TRAPPC12: variants seen among roughly 807,000 people sequenced by gnomAD.
TRAPPC12 encodes the protein TPR repeat protein 15.
Under a neutral mutation model 69.2 loss-of-function variants are expected in TRAPPC12, and 61 were observed. That is an observed-to-expected ratio of 0.88 (90% CI 0.72 to 1.09). The LOEUF is 1.09. Ranked by LOEUF, TRAPPC12 falls within the 50% of genes least tolerant of loss-of-function variation. The pLI is 0.00. For synonymous variants in TRAPPC12, 469 were observed against 438.9 expected, an observed-to-expected ratio of 1.07 and a Z score of -0.86; for missense variants, 1,101 against 1,016.4, an observed-to-expected ratio of 1.08 and a Z score of -1.13.
In TRAPPC12 at chr2:3,465,471, C is replaced by T. The variant is rs771746498; in HGVS notation, c.1678-126C>T. On this transcript the variant is annotated intron_variant, in intron 8 of 11. Transcript: ENST00000324266. ...ACCGCGTGCTGGTTTCCAGCTTCCC[C>T]GCCAGCTCCTGCGTCAGCGTGTCCT... The T allele has an allele frequency of 4.1e-4, 275 of 672,744 alleles. 2 individuals carry two copies. Among genetic ancestry groups the T allele is most frequent in the Non-Finnish European group, 5.8e-4 (226 of 389,686 alleles). 41.7% of individuals were successfully genotyped at this position (672,744 alleles called of 1,614,324 possible).
intron 3 of TRAPPC12, among the ~76,000 whole-genome samples, chr2:3,412,471 G>A (rs543406396): frequency 4.7e-4 from 71 of 152,322 alleles, no homozygotes; most frequent in Admixed American, 1.3e-3. Flanking sequence ...TGAGGCGGGC[G>A]AATTGCTTGA....
chr2:3,389,485 C>T (rs1572082902), intron 2 of TRAPPC12, among the ~76,000 whole-genome samples: 1 of 152,230 alleles, frequency 6.6e-6, no homozygotes, highest in African/African-American at 2.4e-5. Context: ...TGCGTCCAGG[C>T]GAGGGGAACA....
intron 8 of TRAPPC12, among the ~76,000 whole-genome samples, chr2:3,462,650 A>G (rs549194744): frequency 9.2e-4 from 140 of 152,396 alleles, no homozygotes; most frequent in African/African-American, 3.2e-3. Context: ...GATATGCTAT[A>G]ATGCACAGTG....
In TRAPPC12 at chr2:3,388,465, C is replaced by T. The variant is rs1190352042; in HGVS notation, c.842C>T (p.Ala281Val). The T allele has an allele frequency of 7.4e-6, 12 of 1,611,910 alleles. No homozygotes were observed. Among genetic ancestry groups the T allele is most frequent in the Admixed American group, 1.7e-5 (1 of 59,938 alleles). Residue 281 changes from alanine to valine, a missense_variant, in exon 2 of 12, where the codon GCG (alanine) becomes GTG (valine). Physicochemically the swap from Ala to Val is moderately conservative, Grantham distance 64. Coordinates refer to ENST00000324266, the MANE Select transcript of TRAPPC12 (RefSeq NM_016030.6). ...AAPPASPEPF[A>V]HIQAVFAGSD... ...CCCCCGGCGTCGCCAGAGCCTTTCG[C>T]GCACATCCAGGCAGTGTTTGCAGGG...
rs777434395 is a variant in TRAPPC12 at position 3,388,462 on chromosome 2, T to C, written c.839T>C (p.Phe280Ser). 2 of 1,611,954 alleles carry C rather than the reference T, an allele frequency of 1.2e-6. No homozygotes were observed. The highest frequency in any genetic ancestry group is 1.1e-5 in the South Asian group (1 of 90,884). ...AAAPPASPEPFAHIQAVFAGS... is the reference protein window; with the variant it reads ...AAAPPASPEPSAHIQAVFAGS... Reference sequence around the variant, plus strand: ...GCGCCCCCGGCGTCGCCAGAGCCTTTCGCGCACATCCAGGCAGTGTTTGCA... The same window carrying C: ...GCGCCCCCGGCGTCGCCAGAGCCTTCCGCGCACATCCAGGCAGTGTTTGCA... Residue 280 changes from phenylalanine (F) to serine (S), a missense_variant, in exon 2 of 12, where the codon TTC (phenylalanine) becomes TCC (serine). Coordinates refer to ENST00000324266, the MANE Select transcript of TRAPPC12 (RefSeq NM_016030.6).
chr2:3,442,730 G>C (rs1007980814), intron 5 of TRAPPC12, among the ~76,000 whole-genome samples: 7 of 152,194 alleles, frequency 4.6e-5, no homozygotes, highest in African/African-American at 1.7e-4. Context: ...GCTCATTTCA[G>C]TGTGGTCACG....
Position 3,479,233 on chromosome 2 carries a change from T to G in TRAPPC12, c.1980T>G (p.Ala660=). 1 of 1,613,722 alleles carries G rather than the reference T, an allele frequency of 6.2e-7. No homozygotes were observed. The highest frequency in any genetic ancestry group is 1.1e-5 in the South Asian group (1 of 91,066). The change falls in exon 12 of 12, where the codon GCT becomes GCG. Residue 660 remains alanine, a synonymous_variant. Transcript: ENST00000324266. ...DPRNAVANNN[A]AVCLLYLGKL... ...CTCCTCCCTAGGCCAACAACAACGC[T>G]GCCGTGTGTCTGCTCTACCTGGGCA...
chr2:3,404,024 G>T (rs182009010), intron 3 of TRAPPC12, among the ~76,000 whole-genome samples: 43 of 152,230 alleles, frequency 2.8e-4, no homozygotes, highest in African/African-American at 1.0e-3. Flanking sequence ...ATTATGTGTG[G>T]TCTTGTGACT....
chr2:3,476,624 A>G (rs1285980247), intron 9 of TRAPPC12, among the ~76,000 whole-genome samples: 1 of 152,242 alleles, frequency 6.6e-6, no homozygotes, highest in Non-Finnish European at 1.5e-5. Context: ...GAAGACATGC[A>G]GAAACATGAC....
In TRAPPC12 at chr2:3,400,790, C is replaced by T. The variant is rs116102205; in HGVS notation, c.1048-987C>T. Among the ~76,000 whole-genome samples the T allele has an allele frequency of 3.9e-3, 595 of 152,270 alleles. 3 individuals are homozygous for T. Among genetic ancestry groups the T allele is most frequent in the African/African-American group, 0.012 (514 of 41,560 alleles). ...CAGACTTGGTAACTTCAGGCCCTTCCCTGGGGCCCCTGAACTGTGCCGACT... is the reference window on the plus strand; with the variant it reads ...CAGACTTGGTAACTTCAGGCCCTTCTCTGGGGCCCCTGAACTGTGCCGACT... On this transcript the variant is annotated intron_variant, in intron 2 of 11. Coordinates refer to ENST00000324266, the MANE Select transcript of TRAPPC12 (RefSeq NM_016030.6).
At chr2:3,443,326 A>T (rs989653812) in intron 5 of TRAPPC12, among the ~76,000 whole-genome samples, 1 of 152,250 alleles carries the variant, frequency 6.6e-6, no homozygotes. Context: ...TCCCGGGAGC[A>T]CTTCCGGAAC....
At chr2:3,409,714 C>T (rs1484217229) in intron 3 of TRAPPC12, among the ~76,000 whole-genome samples, 1 of 132,084 alleles carries the variant, frequency 7.6e-6, no homozygotes, top group Non-Finnish European at 1.5e-5. Context: ...CGCACCACTG[C>T]ACTCCAGACT....
intron 2 of TRAPPC12, among the ~76,000 whole-genome samples, chr2:3,398,563 G>A (rs1366323791): frequency 1.3e-5 from 2 of 152,198 alleles, no homozygotes; most frequent in East Asian, 3.9e-4. Flanking sequence ...GCTACCCCGT[G>A]AGCATTTGTG....
intron 3 of TRAPPC12, among the ~76,000 whole-genome samples, chr2:3,411,542 A>G (rs776178569): frequency 3.3e-5 from 5 of 152,256 alleles, no homozygotes; most frequent in Non-Finnish European, 5.9e-5. Context: ...GTGCATATCT[A>G]TACTATACAT....
At chr2:3,459,524 G>A (rs943592447) in intron 7 of TRAPPC12, among the ~76,000 whole-genome samples, 3 of 152,208 alleles carry the variant, frequency 2.0e-5, no homozygotes, top group African/African-American at 7.2e-5. Flanking sequence ...CACAAAGCCA[G>A]TTTGGAAACT....
intron 1 of TRAPPC12, among the ~76,000 whole-genome samples, chr2:3,383,663 C>T (rs960730843): frequency 4.0e-5 from 6 of 151,894 alleles, no homozygotes; most frequent in Admixed American, 3.3e-4. Flanking sequence ...CCCCGGCCTC[C>T]GAAAGTGCTG....
chr2:3,409,345 AT>A (rs1250731285), intron 3 of TRAPPC12, among the ~76,000 whole-genome samples: 1 of 152,236 alleles, frequency 6.6e-6, no homozygotes, highest in Admixed American at 6.5e-5. Context: ...AATATTTTAT[AT>A]TCTCTTATCA....
At chr2:3,438,175 T>C (rs1280339123) in intron 5 of TRAPPC12, among the ~76,000 whole-genome samples, 1 of 25,004 alleles carries the variant, frequency 4.0e-5, no homozygotes, top group Non-Finnish European at 7.0e-5. Flanking sequence ...AATCCCCCAA[T>C]CACCCCTGGA....
chr2:3,435,745 ACG>A (rs1017481332), intron 5 of TRAPPC12, among the ~76,000 whole-genome samples: 1 of 152,200 alleles, frequency 6.6e-6, no homozygotes, highest in African/African-American at 2.4e-5. Context: ...TAGGTTTTAA[ACG>A]CCTGTGTGGT....
Sources: allele counts gnomAD v4.1 joint callset (sites outside exome capture counted in the v4.1 genomes callset), GRCh38; gene constraint gnomAD v4.1.1; transcripts MANE v1.5; gene names NCBI Gene and HGNC (gene_info 2026-07-23, HGNC 2026-07-21).